IL2RA: variants seen among roughly 807,000 people sequenced by gnomAD.
IL2RA encodes interleukin-2 receptor subunit alpha.
In IL2RA, 24 loss-of-function variants were observed where a neutral mutation model predicts 37.8. The ratio of observed to expected loss-of-function variants is 0.63; its 90% confidence interval spans 0.46 to 0.89. The LOEUF (loss-of-function observed/expected upper bound fraction) is 0.89. Among genes scored for constraint, IL2RA ranks in the 40% least tolerant of loss-of-function variants. The pLI is 0.00. For synonymous variants in IL2RA, 125 were observed against 114.6 expected (o/e 1.09, Z -0.58); for missense variants, 319 against 348.6 (o/e 0.92, Z 0.68).
chr10:6,041,704 T>A (rs1214142149), intron 1 of IL2RA, among the ~76,000 whole-genome samples: 2 of 152,242 alleles, frequency 1.3e-5, no homozygotes, highest in African/African-American at 4.8e-5. Context: ...ATTTTTGTTA[T>A]GTCAAGAGAC....
In IL2RA at chr10:6,012,410, T is replaced by C. The variant is rs909326184; in HGVS notation, c.*462A>G. The C allele has an allele frequency of 2.4e-5, 4 of 167,854 alleles. No homozygotes were observed. Among genetic ancestry groups the C allele is most frequent in the East Asian group, 1.6e-4 (1 of 6,304 alleles). The allele number at this position is 167,854 out of a possible 1,614,324, so 10.4% of individuals were successfully genotyped here. On this transcript the variant is annotated 3_prime_UTR_variant, in exon 8 of 8. Coordinates refer to ENST00000379959, the MANE Select transcript of IL2RA (RefSeq NM_000417.3). This position sits in a 1 kb window ranked among gnomAD's most constrained non-coding sequence, Gnocchi z 4.8. Reference sequence around the variant, plus strand: ...GCTGAGAAAGGAACCACGCAGACAATGTCCAGTTGTATAGGGTAGAGTGTG... The same window carrying C: ...GCTGAGAAAGGAACCACGCAGACAACGTCCAGTTGTATAGGGTAGAGTGTG...
rs1314184033 is a variant in IL2RA, at chr10:6,033,329, A to T, written c.65-7304T>A. On this transcript the variant is annotated intron_variant, in intron 1 of 7. Coordinates refer to ENST00000379959, the MANE Select transcript of IL2RA (RefSeq NM_000417.3). This position sits in a 1 kb window ranked among gnomAD's most constrained non-coding sequence, Gnocchi z 4.3. ...GAAACAAACAAACAACAACAAAAAA[A>T]AAACAAAAAAAGAAAGTATTTTTAT... Among the ~76,000 whole-genome samples, 3 of 152,176 alleles carry T rather than the reference A, an allele frequency of 2.0e-5. No homozygotes were observed. Among genetic ancestry groups the T allele is most frequent in the Non-Finnish European group, 2.9e-5 (2 of 68,028 alleles).
Position 6,062,340 on chromosome 10 carries a change from T to C in IL2RA, c.-189A>G, listed in dbSNP as rs1283035521. On this transcript the variant is annotated 5_prime_UTR_variant, in exon 1 of 8. Transcript: ENST00000379959. The stretch of plus-strand genomic sequence containing the variant: ...AGTCAGGAGTTGCTCTCTTTAAGTA[T>C]TGGGCTGGCGTGTTCAGCCAGGAAA... The C allele has an allele frequency of 5.3e-6, 3 of 567,652 alleles. No homozygotes were observed. The highest frequency in any genetic ancestry group is 3.8e-5 in the African/African-American group (2 of 52,960). 35.2% of individuals were successfully genotyped at this position (567,652 alleles called of 1,614,324 possible). A position where few individuals can be genotyped will look rare whatever the true frequency, so the allele number is the denominator to read the frequency against.
chr10:6,037,910 C>T (rs569436340), intron 1 of IL2RA, among the ~76,000 whole-genome samples: 95 of 152,238 alleles, frequency 6.2e-4, no homozygotes, highest in African/African-American at 2.1e-3. Flanking sequence ...ATAAGAACTC[C>T]AAAGATATGC....
rs12722524 is a variant in IL2RA, at chr10:6,035,907, G to A, written c.65-9882C>T. Reference sequence around the variant, plus strand: ...TTGTGGCTGAAATACACGATCATGGGTGTATCTTTCCTTGTGGATTTGTTG... The same window carrying A: ...TTGTGGCTGAAATACACGATCATGGATGTATCTTTCCTTGTGGATTTGTTG... On this transcript the variant is annotated intron_variant, in intron 1 of 7. Transcript: ENST00000379959. The surrounding 1 kb of genome is among the most constrained non-coding windows in gnomAD (Gnocchi z 5.4). 1 of 152,278 alleles carries A rather than the reference G, an allele frequency of 6.6e-6. No homozygotes were observed. Among genetic ancestry groups the A allele is most frequent in the Non-Finnish European group, 1.5e-5 (1 of 68,084 alleles). 9.4% of individuals were successfully genotyped at this position (152,278 alleles called of 1,614,324 possible).
chr10:6,021,454 G>A lies in IL2RA; in HGVS notation c.583+24C>T, dbSNP rs1472599548. The A allele has an allele frequency of 1.9e-6, 3 of 1,594,600 alleles. No homozygotes were observed. The highest frequency in any genetic ancestry group is 2.2e-5 in the East Asian group (1 of 44,784). On this transcript the variant is annotated intron_variant, in intron 4 of 7. Coordinates refer to ENST00000379959, the MANE Select transcript of IL2RA (RefSeq NM_000417.3). The surrounding 1 kb of genome is among the most constrained non-coding windows in gnomAD (Gnocchi z 4.9). The stretch of plus-strand genomic sequence containing the variant: ...CCTGATGGAGCAAAGCAACATTGTG[G>A]ACCCCAGAAGGGAGCCACCCTACCT...
intron 1 of IL2RA, among the ~76,000 whole-genome samples, chr10:6,049,900 T>G (rs1839921674): frequency 6.6e-6 from 1 of 152,166 alleles, no homozygotes; most frequent in South Asian, 2.1e-4. Context: ...TGGGGAAGAT[T>G]GTTCCAGTAA....
intron 1 of IL2RA, among the ~76,000 whole-genome samples, chr10:6,051,970 G>A (rs1182950113): frequency 6.6e-6 from 1 of 151,050 alleles, no homozygotes; most frequent in Non-Finnish European, 1.5e-5. Flanking sequence ...CGGTTCACAT[G>A]CATGTGTGTG....
rs1235032077 is a variant in IL2RA at position 6,054,507 on chromosome 10, G to A, written c.64+7581C>T. On this transcript the variant is annotated intron_variant, in intron 1 of 7. Transcript: ENST00000379959. This position sits in a 1 kb window ranked among gnomAD's most constrained non-coding sequence, Gnocchi z 4.5. ...TGAGCAAAAGTATTCGTTTTTGTCC[G>A]AGAATCTGAGACTCATTTGCTTGGC... Among the ~76,000 whole-genome samples the A allele has an allele frequency of 2.0e-5, 3 of 152,282 alleles. No individual in the cohort carries two copies. Among genetic ancestry groups the A allele is most frequent in the East Asian group, 1.9e-4 (1 of 5,186 alleles).
chr10:6,019,307 C>T, intron 6 of IL2RA, 121 bp downstream of exon 6: 1 of 801,374 alleles, frequency 1.2e-6, no homozygotes, highest in South Asian at 1.3e-5. Context: ...TACCTATCAA[C>T]CTACCAGTCA....
At position 6,035,317 on chromosome 10, in the gene IL2RA, G is replaced by T. The variant is rs1839663303; in HGVS notation, c.65-9292C>A. The stretch of plus-strand genomic sequence containing the variant: ...CTGTGTGGGCAGGGATGGAGAGTGA[G>T]GGCCTGCCTTCATGGCAGTAGGCTC... On this transcript the variant is annotated intron_variant, in intron 1 of 7. Transcript: ENST00000379959. This position sits in a 1 kb window ranked among gnomAD's most constrained non-coding sequence, Gnocchi z 5.4. Among the ~76,000 whole-genome samples, 1 of 152,218 alleles carries T rather than the reference G, an allele frequency of 6.6e-6. No individual in the cohort carries two copies. The highest frequency in any genetic ancestry group is 2.1e-4 in the South Asian group (1 of 4,832).
chr10:6,056,097 A>G lies in IL2RA; in HGVS notation c.64+5991T>C, dbSNP rs145330123. ...GAGAATACCTAAAATTTCTAGAGAC[A>G]ATTATATTATTGTTTTCCCCTAAAT... is the stretch of plus-strand genomic sequence containing the variant. On this transcript the variant is annotated intron_variant, in intron 1 of 7. Transcript: ENST00000379959. The surrounding 1 kb of genome is among the most constrained non-coding windows in gnomAD (Gnocchi z 5.0). 2.1e-3 allele frequency among the ~76,000 whole-genome samples: 314 copies of G among 152,304 alleles called. No homozygotes were observed. The highest frequency in any genetic ancestry group is 3.6e-3 in the Non-Finnish European group (246 of 68,026).
chr10:6,017,155 G>T (rs1202251990), intron 7 of IL2RA: 1 of 152,478 alleles, frequency 6.6e-6, no homozygotes, highest in Non-Finnish European at 1.5e-5. Context: ...CCACTCACTG[G>T]TATTTTAGAA....
At position 6,025,419 on chromosome 10, in the gene IL2RA, G is replaced by C. The variant is rs985319267; in HGVS notation, c.256+415C>G. Among the ~76,000 whole-genome samples the C allele has an allele frequency of 2.0e-5, 3 of 151,594 alleles. No homozygotes were observed. The highest frequency in any genetic ancestry group is 4.4e-5 in the Non-Finnish European group (3 of 67,924). On this transcript the variant is annotated intron_variant, in intron 2 of 7. Coordinates refer to ENST00000379959, the MANE Select transcript of IL2RA (RefSeq NM_000417.3). The surrounding 1 kb of genome is among the most constrained non-coding windows in gnomAD (Gnocchi z 4.4). ...GCCTGTAATCCCAGCATTTTGGGTG[G>C]CTGAGATGGGCAGATTACTCAAGGT...
chr10:6,062,004 TG>T, intron 1 of IL2RA, 83 bp downstream of exon 1: 1 of 1,146,894 alleles, frequency 8.7e-7, no homozygotes, highest in Non-Finnish European at 1.3e-6. Flanking sequence ...ACCATCTACC[TG>T]GGGACTCCCT....
chr10:6,019,486 C>T lies in IL2RA; in HGVS notation c.669G>A (p.Gln223=), dbSNP rs539966138. 31 of 1,613,054 alleles carry T rather than the reference C, an allele frequency of 1.9e-5. No homozygotes were observed. Among genetic ancestry groups the T allele is most frequent in the East Asian group, 4.5e-5 (2 of 44,882 alleles). The part of the protein sequence containing the change: ...CLVTTTDFQI[Q]TEMAATMETS... Reference sequence around the variant, plus strand: ...TCTCCATGGTTGCAGCCATTTCTGTCTGTATTTGAAAATCTGTGAAAAAGA... The same window carrying T: ...TCTCCATGGTTGCAGCCATTTCTGTTTGTATTTGAAAATCTGTGAAAAAGA... Residue 223 remains glutamine, a synonymous_variant, in exon 6 of 8, where the codon CAG becomes CAA. Transcript: ENST00000379959.
rs972364102 is a variant in IL2RA, at chr10:6,058,536, G to A, written c.64+3552C>T. On this transcript the variant is annotated intron_variant, in intron 1 of 7. Transcript: ENST00000379959. The surrounding 1 kb of genome is among the most constrained non-coding windows in gnomAD (Gnocchi z 4.2). ...TAATACTTTGGGATCTCAAGAAGTTGAAAGATTAAATGTGAAGGGTTAAAC... is the reference window on the plus strand; with the variant it reads ...TAATACTTTGGGATCTCAAGAAGTTAAAAGATTAAATGTGAAGGGTTAAAC... Among the ~76,000 whole-genome samples the A allele has an allele frequency of 1.3e-5, 2 of 152,204 alleles. No homozygotes were observed. Among genetic ancestry groups the A allele is most frequent in the African/African-American group, 4.8e-5 (2 of 41,442 alleles).
chr10:6,028,200 A>G lies in IL2RA; in HGVS notation c.65-2175T>C, dbSNP rs766027582. 2.0e-5 allele frequency among the ~76,000 whole-genome samples: 3 copies of G among 151,854 alleles called. No homozygotes were observed. The highest frequency in any genetic ancestry group is 2.9e-5 in the Non-Finnish European group (2 of 67,988). On this transcript the variant is annotated intron_variant, in intron 1 of 7. Coordinates refer to ENST00000379959, the MANE Select transcript of IL2RA (RefSeq NM_000417.3). The surrounding 1 kb of genome is among the most constrained non-coding windows in gnomAD (Gnocchi z 4.1). ...GTTTCATTGACGTGACATGACTGGG[A>G]TTTGTGGGGTGGGGCTCTGGAGAGG...
chr10:6,013,406 C>T (rs1839223878), intron 7 of IL2RA, among the ~76,000 whole-genome samples: 4 of 152,178 alleles, frequency 2.6e-5, no homozygotes, highest in African/African-American at 9.7e-5. Flanking sequence ...CCACAGGTGG[C>T]TAGTGGCTAC....
Sources: gnomAD v4.1 joint callset for allele counts (sites outside exome capture counted in the v4.1 genomes callset) on GRCh38, gnomAD v4.1.1 for gene constraint, Gnocchi (gnomAD v3.1) non-coding constraint, MANE v1.5 for transcripts, NCBI Gene and HGNC (gene_info 2026-07-23, HGNC 2026-07-21) for gene names.